Variants in OPCML observed in about 807,000 individuals in gnomAD.
OPCML encodes opioid-binding protein/cell adhesion molecule.
A neutral mutation model predicts 37.8 loss-of-function variants in OPCML; 13 were observed. That is an observed-to-expected ratio of 0.34 (90% CI 0.22 to 0.55). The LOEUF is 0.55. OPCML is among the 20% of genes least tolerant of loss of function. The pLI, the probability that OPCML is intolerant of heterozygous loss-of-function variation, is 0.91. For synonymous variants in OPCML, 176 were observed against 168.8 expected (o/e 1.04, Z -0.33); for missense variants, 341 against 435.6 (o/e 0.78, Z 1.93).
chr11:133,237,299 G>A (rs11607044), intron 1 of OPCML, among the ~76,000 whole-genome samples: 4 of 152,078 alleles, frequency 2.6e-5, no homozygotes, highest in African/African-American at 7.2e-5. Flanking sequence ...CACATGCCCC[G>A]GCTGCTACAG....
At chr11:133,324,663 G>A (rs1004884166) in intron 1 of OPCML, among the ~76,000 whole-genome samples, 13 of 152,174 alleles carry the variant, frequency 8.5e-5, no homozygotes, top group Non-Finnish European at 1.9e-4. Context: ...GCGGGGGCAG[G>A]CCTTGTTCCT....
intron 2 of OPCML, chr11:132,859,556 T>G (rs1416879723): frequency 6.6e-6 from 1 of 152,206 alleles, no homozygotes; most frequent in East Asian, 1.9e-4. Context: ...CCAAGAAAGC[T>G]TTAGGAGCAG....
intron 1 of OPCML, among the ~76,000 whole-genome samples, chr11:133,132,759 G>A (rs555421307): frequency 6.6e-6 from 1 of 151,508 alleles, no homozygotes; most frequent in African/African-American, 2.4e-5. Context: ...AAAAACAAGA[G>A]TACATTCTCT....
intron 2 of OPCML, among the ~76,000 whole-genome samples, chr11:132,675,923 C>A (rs1304789240): frequency 6.6e-6 from 1 of 152,098 alleles, no homozygotes; most frequent in African/African-American, 2.4e-5. Context: ...GGCTTCTTGG[C>A]AGGAATTGAC....
At chr11:132,482,334 T>G (rs1466479312) in intron 4 of OPCML, among the ~76,000 whole-genome samples, 7 of 151,890 alleles carry the variant, frequency 4.6e-5, no homozygotes, top group African/African-American at 7.3e-5. Flanking sequence ...AATGGATAAA[T>G]TCCTTGACAC....
rs571926437 is a variant in OPCML at position 132,661,766 on chromosome 11, T to C, written c.147-4447A>G. Among the ~76,000 whole-genome samples the C allele has an allele frequency of 2.6e-5, 4 of 152,356 alleles. No individual in the cohort carries two copies. The East Asian group carries it at 7.7e-4, about 29-fold the overall frequency. On this transcript the variant is annotated intron_variant, in intron 2 of 7. Coordinates refer to ENST00000524381, the MANE Select transcript of OPCML (RefSeq NM_001012393.5). ...ATCACAAGTAACCTCTAAAATTATATATTGCTTGTACTGCACCAGGCATAG... is the reference window on the plus strand; with the variant it reads ...ATCACAAGTAACCTCTAAAATTATACATTGCTTGTACTGCACCAGGCATAG...
chr11:133,247,544 C>CTTTCTTTCTTTCTTTCTT (rs1426341441), intron 1 of OPCML, among the ~76,000 whole-genome samples: 1 of 70,442 alleles, frequency 1.4e-5, no homozygotes, highest in East Asian at 2.5e-4. Flanking sequence ...CCTTCTTTTT[C>CTTTCTTTCTTTCTTTCTT]TTTCTTTCTT....
chr11:132,462,284 T>C (rs369362690), intron 4 of OPCML, among the ~76,000 whole-genome samples: 49 of 152,304 alleles, frequency 3.2e-4, no homozygotes, highest in African/African-American at 1.2e-3. Context: ...GTTGACTGTG[T>C]AAGAGAAGAA....
At chr11:132,968,361 C>G (rs898160574) in intron 1 of OPCML, among the ~76,000 whole-genome samples, 2 of 152,152 alleles carry the variant, frequency 1.3e-5, no homozygotes, top group African/African-American at 4.8e-5. Flanking sequence ...TTAGTGAGAG[C>G]CTTCTTGCTG....
chr11:133,077,638 C>A (rs1456631287), intron 1 of OPCML, among the ~76,000 whole-genome samples: 2 of 151,946 alleles, frequency 1.3e-5, no homozygotes, highest in African/African-American at 4.8e-5. Context: ...ATGAAGGAAG[C>A]ACAAGAAATA....
At chr11:133,480,111 C>T (rs1042111167) in intron 1 of OPCML, among the ~76,000 whole-genome samples, 6 of 152,184 alleles carry the variant, frequency 3.9e-5, no homozygotes, top group Admixed American at 3.9e-4. Flanking sequence ...CTTCTTAGAG[C>T]AGGCATCCCA....
chr11:132,809,750 T>C (rs1939221345), intron 2 of OPCML, among the ~76,000 whole-genome samples: 1 of 152,144 alleles, frequency 6.6e-6, no homozygotes, highest in African/African-American at 2.4e-5. Context: ...TCACCCCCAC[T>C]TCACACACTG....
chr11:133,513,563 G>A (rs938428505), intron 1 of OPCML, among the ~76,000 whole-genome samples: 3 of 152,112 alleles, frequency 2.0e-5, no homozygotes, highest in South Asian at 2.1e-4. Flanking sequence ...CCTTCCTTGC[G>A]CTTCCATAGG....
intron 1 of OPCML, among the ~76,000 whole-genome samples, chr11:133,395,965 G>A (rs562431039): frequency 6.6e-6 from 1 of 152,246 alleles, no homozygotes; most frequent in Admixed American, 6.5e-5. Context: ...TCTATAGATT[G>A]CTTCAGGTAG....
At position 133,398,525 on chromosome 11, in the gene OPCML, T is replaced by C. The variant is rs1314581483; in HGVS notation, c.61+133739A>G. ...TCTTCTCTGTTCCTCCAGGAGAAAA[T>C]GTAAAGACTTTTCGCTAATATTGCA... On this transcript the variant is annotated intron_variant, in intron 1 of 7. Coordinates refer to ENST00000524381, the MANE Select transcript of OPCML (RefSeq NM_001012393.5). Among the ~76,000 whole-genome samples, 9 of 152,240 alleles carry C rather than the reference T, an allele frequency of 5.9e-5. No individual in the cohort carries two copies. The East Asian group carries it at 1.7e-3, about 29-fold the overall frequency.
chr11:133,050,473 A>G (rs1428888994), intron 1 of OPCML, among the ~76,000 whole-genome samples: 1 of 152,168 alleles, frequency 6.6e-6, no homozygotes, highest in Non-Finnish European at 1.5e-5. Flanking sequence ...GGAAGACACA[A>G]GCATCTGGCA....
intron 1 of OPCML, among the ~76,000 whole-genome samples, chr11:133,368,845 G>C (rs1944610645): frequency 6.6e-6 from 1 of 152,176 alleles, no homozygotes; most frequent in Admixed American, 6.5e-5. Flanking sequence ...ATGGTATTCA[G>C]CCGGGTGCAG....
At chr11:132,666,995 A>G (rs1591698605) in intron 2 of OPCML, among the ~76,000 whole-genome samples, 2 of 152,330 alleles carry the variant, frequency 1.3e-5, no homozygotes, top group South Asian at 4.1e-4. Context: ...TCACATGATG[A>G]AAGGGTCTGC....
intron 1 of OPCML, among the ~76,000 whole-genome samples, chr11:133,144,508 T>G (rs560282715): frequency 2.0e-5 from 3 of 152,234 alleles, no homozygotes; most frequent in Non-Finnish European, 4.4e-5. Context: ...TGTGAGAACC[T>G]ATCAAGAGTG....
Sources: gnomAD v4.1 joint callset for allele counts (sites outside exome capture counted in the v4.1 genomes callset) on GRCh38, gnomAD v4.1.1 for gene constraint, MANE v1.5 for transcripts, NCBI Gene and HGNC (gene_info 2026-07-23, HGNC 2026-07-21) for gene names.